MMP24: variants seen among roughly 807,000 people sequenced by gnomAD.
The protein encoded by MMP24 is matrix metalloproteinase-24.
Under a neutral mutation model 62.8 loss-of-function variants are expected in MMP24, and 25 were observed. The ratio of observed to expected loss-of-function variants is 0.40; its 90% CI spans 0.29 to 0.56. The LOEUF is 0.56. Among genes scored for constraint, MMP24 ranks in the 20% least tolerant of loss-of-function variants. The pLI is 0.50. For missense variants in MMP24, 634 were observed against 853.6 expected, an observed-to-expected ratio of 0.74 and a Z score of 3.21; for synonymous variants, 319 against 350.5, an observed-to-expected ratio of 0.91 and a Z score of 1.00.
chr20:35,234,697 G>A (rs766521780), intron 1 of MMP24, among the ~76,000 whole-genome samples: 1 of 152,222 alleles, frequency 6.6e-6, no homozygotes, highest in Non-Finnish European at 1.5e-5. Context: ...ATAGCTAGAG[G>A]TTGGGGTACT....
chr20:35,267,489 C>A, intron 6 of MMP24, 70 bp downstream of exon 6: 1 of 1,430,102 alleles, frequency 7.0e-7, no homozygotes, highest in Non-Finnish European at 9.6e-7. Flanking sequence ...CATCATGGAG[C>A]TGGGGAAGGC....
At chr20:35,250,325 C>G (rs1255996611) in intron 2 of MMP24, among the ~76,000 whole-genome samples, 3 of 152,088 alleles carry the variant, frequency 2.0e-5, no homozygotes, top group Admixed American at 1.3e-4. Context: ...TTTGGGAGGC[C>G]AAGGTGGGCA....
chr20:35,226,909 G>T lies in MMP24; in HGVS notation c.171G>T (p.Ala57=). The change falls in exon 1 of 9, where the codon GCG becomes GCT. Residue 57 remains alanine (A), a synonymous_variant. Transcript: ENST00000246186. ...CCGCGCGGGCGGCGGCGGCGGCGGC[G>T]GGGGCAGGGAACCGGGCAGCGGTGG... ...PGAARAAAAA[A]GAGNRAAVAV... is the part of the protein sequence containing the mutation. The T allele has an allele frequency of 1.0e-6, 1 of 981,062 alleles. No individual in the cohort carries two copies. Among genetic ancestry groups the T allele is most frequent in the Non-Finnish European group, 1.2e-6 (1 of 828,734 alleles). The allele number at this position is 981,062 out of a possible 1,614,324, so 60.8% of individuals were successfully genotyped here.
intron 2 of MMP24, among the ~76,000 whole-genome samples, chr20:35,250,659 A>G (rs2060540151): frequency 6.6e-6 from 1 of 152,196 alleles, no homozygotes; most frequent in African/African-American, 2.4e-5. Flanking sequence ...CAGGCTTTAC[A>G]GGAAGCATGG....
chr20:35,275,917 G>C lies in MMP24; in HGVS notation c.*1308G>C. The C allele has an allele frequency of 2.5e-6, 1 of 398,214 alleles. No individual in the cohort carries two copies. Among genetic ancestry groups the C allele is most frequent in the Non-Finnish European group, 4.4e-6 (1 of 226,076 alleles). The allele number at this position is 398,214 out of a possible 1,614,324, so 24.7% of individuals were successfully genotyped here. A position where few individuals can be genotyped will look rare whatever the true frequency, so the allele number is the denominator to read the frequency against. The stretch of plus-strand genomic sequence containing the variant: ...GCCCGCCCTTCACTGTCTCCAGCAG[G>C]AGTTCCTAGGGCTTGGCCTGCCTTG... On this transcript the variant is annotated 3_prime_UTR_variant, in exon 9 of 9. Coordinates refer to ENST00000246186, the MANE Select transcript of MMP24 (RefSeq NM_006690.4).
intron 2 of MMP24, among the ~76,000 whole-genome samples, chr20:35,248,156 G>T (rs146459654): frequency 7.2e-5 from 11 of 152,092 alleles, no homozygotes; most frequent in African/African-American, 2.7e-4. Flanking sequence ...GGGAGTTGGT[G>T]GGGGGAGGAA....
Position 35,254,569 on chromosome 20 carries a change from T to C in MMP24, c.632T>C (p.Ile211Thr). Reference sequence around the variant, plus strand: ...TTTGAAGAGGTGCCATACCATGAGATCAAAAGTGACCGGAAGGAGGCAGAC... The same window carrying C: ...TTTGAAGAGGTGCCATACCATGAGACCAAAAGTGACCGGAAGGAGGCAGAC... ...LTFEEVPYHE[I>T]KSDRKEADIM... Residue 211 changes from isoleucine (I) to threonine (T), a missense_variant, in exon 4 of 9, where the codon ATC becomes ACC. Ile to Thr is a moderately conservative substitution (Grantham distance 89). Around this residue, in one of 3 missense-constraint regions of MMP24, gnomAD observed 212 missense variants for 259.6 expected, o/e 0.82. Coordinates refer to ENST00000246186, the MANE Select transcript of MMP24 (RefSeq NM_006690.4). The C allele has an allele frequency of 6.2e-7, 1 of 1,613,952 alleles. No homozygotes were observed. The highest frequency in any genetic ancestry group is 8.5e-7 in the Non-Finnish European group (1 of 1,179,908).
Position 35,267,215 on chromosome 20 carries a change from C to T in MMP24, c.990C>T (p.Ala330=), listed in dbSNP as rs747880766. 46 of 1,591,886 alleles carry T rather than the reference C, an allele frequency of 2.9e-5. No individual in the cohort carries two copies. The East Asian group carries it at 4.4e-4, about 15-fold the overall frequency. Residue 330 remains alanine (A), a synonymous_variant, in exon 6 of 9, where the codon GCC becomes GCT. Transcript: ENST00000246186. ...QGIQKIYGPP[A]EPLEPTRPLP... is the part of the protein sequence containing the mutation. ...AGCTCCTCTCTCCAGGACCCCCAGC[C>T]GAGCCTCTGGAGCCCACAAGGCCAC...
chr20:35,227,634 G>A (rs962044584), intron 1 of MMP24, among the ~76,000 whole-genome samples: 2 of 152,064 alleles, frequency 1.3e-5, no homozygotes, highest in African/African-American at 4.8e-5. Context: ...CTCTCGGAGG[G>A]GATTGGATGG....
intron 2 of MMP24, 141 bp downstream of exon 2, chr20:35,247,129 C>T: frequency 1.9e-6 from 2 of 1,062,662 alleles, no homozygotes; most frequent in Middle Eastern, 2.4e-4. Flanking sequence ...GAAAGAATAT[C>T]TCGATGTGAG....
intron 1 of MMP24, among the ~76,000 whole-genome samples, chr20:35,243,122 T>C (rs1264211357): frequency 6.6e-6 from 1 of 151,194 alleles, no homozygotes; most frequent in Non-Finnish European, 1.5e-5. Context: ...AAGGTTGCAG[T>C]GAGCCGAGAT....
Position 35,274,787 on chromosome 20 carries a change from G to A in MMP24, c.*178G>A. 1 of 632,994 alleles carries A rather than the reference G, an allele frequency of 1.6e-6. No individual in the cohort carries two copies. The highest frequency in any genetic ancestry group is 2.7e-6 in the Non-Finnish European group (1 of 370,356). The allele number at this position is 632,994 out of a possible 1,614,324, so 39.2% of individuals were successfully genotyped here. ...GAGCGTGGGGCAGGGAATTATGGGG[G>A]CTGTGCCCCAGGGTGGGTGTCTGGC... is the stretch of plus-strand genomic sequence containing the variant. On this transcript the variant is annotated 3_prime_UTR_variant, in exon 9 of 9. Coordinates refer to ENST00000246186, the MANE Select transcript of MMP24 (RefSeq NM_006690.4). The surrounding 1 kb of genome is among the most constrained non-coding windows in gnomAD (Gnocchi z 5.1).
chr20:35,267,464 C>T (rs1008391176), intron 6 of MMP24, 45 bp downstream of exon 6: 1 of 1,502,968 alleles, frequency 6.7e-7, no homozygotes, highest in East Asian at 2.5e-5. Context: ...CCTGACCTTT[C>T]CTCCTCCTCC....
At chr20:35,253,268 GAC>G in intron 3 of MMP24, among the ~76,000 whole-genome samples, 1 of 93,128 alleles carries the variant, frequency 1.1e-5, no homozygotes, top group African/African-American at 6.7e-5. Context: ...TACAGAACGG[GAC>G]TTTTTTTTTT....
At chr20:35,253,177 A>C (rs2060556510) in intron 3 of MMP24, among the ~76,000 whole-genome samples, 1 of 151,264 alleles carries the variant, frequency 6.6e-6, no homozygotes, top group African/African-American at 2.4e-5. Context: ...TCTCAGGTGG[A>C]TCCCTTTGGT....
At chr20:35,263,649 C>A in intron 4 of MMP24, 142 bp from the exon 5 acceptor site, 1 of 622,838 alleles carries the variant, frequency 1.6e-6, no homozygotes, top group Non-Finnish European at 2.6e-6. Context: ...AGGGGTTGTG[C>A]CTGATTTCTC....
chr20:35,228,892 G>A (rs1275618258), intron 1 of MMP24, among the ~76,000 whole-genome samples: 2 of 152,116 alleles, frequency 1.3e-5, no homozygotes, highest in Admixed American at 6.6e-5. Flanking sequence ...ATTGTCTCCA[G>A]ATACAGGACC....
At chr20:35,230,774 C>T (rs964789558) in intron 1 of MMP24, among the ~76,000 whole-genome samples, 10 of 152,164 alleles carry the variant, frequency 6.6e-5, no homozygotes, top group East Asian at 3.8e-4. Context: ...GGGCACAGAA[C>T]GTGATAGTAG....
In MMP24 at chr20:35,272,038, A is replaced by G. The variant is rs116233827; in HGVS notation, c.1600+203A>G. 1,450 of 625,274 alleles carry G rather than the reference A, an allele frequency of 2.3e-3. 13 individuals carry two copies. The African/African-American group carries it at 0.024, about 10-fold the overall frequency. The allele number at this position is 625,274 out of a possible 1,614,324, so 38.7% of individuals were successfully genotyped here. On this transcript the variant is annotated intron_variant, in intron 8 of 8. Transcript: ENST00000246186. ...AAGTCACACTTTTTCATCTGCAGGA[A>G]TGATTCACGGCAGAGAGACGTTGTC...
Sources: gnomAD v4.1 joint callset for allele counts (sites outside exome capture counted in the v4.1 genomes callset) on GRCh38, gnomAD v4.1.1 for gene constraint, gnomAD v4.1.1 regional missense constraint, Gnocchi (gnomAD v3.1) non-coding constraint, MANE v1.5 for transcripts, NCBI Gene and HGNC (gene_info 2026-07-23, HGNC 2026-07-21) for gene names.